Variants in GNG4 observed in about 807,000 individuals in gnomAD.
GNG4 encodes G protein subunit gamma 4.
A neutral mutation model predicts 5.8 loss-of-function variants in GNG4; 4 were observed. The ratio of observed to expected loss-of-function variants is 0.69; its 90% CI spans 0.34 to 1.57. The LOEUF (loss-of-function observed/expected upper bound fraction) is 1.57. Among genes scored for constraint, GNG4 ranks in the 40% most tolerant of loss-of-function variants. GNG4 has a pLI of 0.06. For missense variants in GNG4, 96 were observed against 95.1 expected, an observed-to-expected ratio of 1.01 and a Z score of -0.04; for synonymous variants, 29 against 32.9, an observed-to-expected ratio of 0.88 and a Z score of 0.41.
At chr1:235,615,441 C>A in intron 1 of GNG4, 1 of 155,246 alleles carries the variant, frequency 6.4e-6, no homozygotes, top group South Asian at 1.8e-4. Context: ...ACTGTCATCT[C>A]CCTCTGCTCC....
In GNG4 at chr1:235,648,065, A is replaced by G. The variant is rs1657556046; in HGVS notation, c.-123+1597T>C. Among the ~76,000 whole-genome samples the G allele has an allele frequency of 6.6e-6, 1 of 152,044 alleles. No homozygotes were observed. Among genetic ancestry groups the G allele is most frequent in the South Asian group, 2.1e-4 (1 of 4,810 alleles). On this transcript the variant is annotated intron_variant, in intron 1 of 3. Transcript: ENST00000391854. The surrounding 1 kb of genome is among the most constrained non-coding windows in gnomAD (Gnocchi z 5.0). ...TTCTCCACCATCAGTTTGCATGAGA[A>G]ACGCCAATCATAGGACTGCTGGGAA...
chr1:235,567,086 T>C (rs1012016648), intron 3 of GNG4: 4 of 151,624 alleles, frequency 2.6e-5, no homozygotes, highest in Non-Finnish European at 5.9e-5. Context: ...CATACCACCA[T>C]GTCCAGCTAA....
At chr1:235,600,487 C>T (rs1016474672) in intron 1 of GNG4, among the ~76,000 whole-genome samples, 2 of 151,142 alleles carry the variant, frequency 1.3e-5, no homozygotes, top group African/African-American at 2.4e-5. Context: ...TCACCCAGGC[C>T]GGAGTGCAGT....
intron 1 of GNG4, among the ~76,000 whole-genome samples, chr1:235,623,459 C>T (rs1387202546): frequency 6.6e-6 from 1 of 152,182 alleles, no homozygotes; most frequent in Admixed American, 6.5e-5. Flanking sequence ...TCTGCCTGTC[C>T]TCCCCAATCC....
chr1:235,648,608 T>A lies in GNG4; in HGVS notation c.-123+1054A>T, dbSNP rs369835088. Among the ~76,000 whole-genome samples the A allele has an allele frequency of 4.3e-4, 66 of 152,212 alleles. 1 individual carries two copies. The highest frequency in any genetic ancestry group is 1.5e-3 in the African/African-American group (64 of 41,470). On this transcript the variant is annotated intron_variant, in intron 1 of 3. Coordinates refer to ENST00000391854, the MANE Select transcript of GNG4 (RefSeq NM_001098722.2). This position sits in a 1 kb window ranked among gnomAD's most constrained non-coding sequence, Gnocchi z 5.0. ...ATGGCTACTGTGAGGCATTCGCCGC[T>A]GCAAATTTCCTGTCCACTGTGGGAA... is the stretch of plus-strand genomic sequence containing the variant.
chr1:235,645,267 TCCCTG>T (rs1367547337), intron 1 of GNG4, among the ~76,000 whole-genome samples: 2 of 152,108 alleles, frequency 1.3e-5, no homozygotes, highest in African/African-American at 2.4e-5. Context: ...CTCAGCAGCC[TCCCTG>T]CCCTGCCCTG....
intron 2 of GNG4, among the ~76,000 whole-genome samples, chr1:235,593,560 GA>G (rs1467846877): frequency 6.6e-6 from 1 of 152,242 alleles, no homozygotes; most frequent in Non-Finnish European, 1.5e-5. Flanking sequence ...CCAACTTCAA[GA>G]ATGAAGCTGC....
intron 3 of GNG4, among the ~76,000 whole-genome samples, chr1:235,552,737 C>T (rs1330251809): frequency 2.0e-5 from 3 of 152,028 alleles, no homozygotes; most frequent in Admixed American, 2.0e-4. Flanking sequence ...TTTATAAGCA[C>T]ACGTTTTATT....
chr1:235,621,695 G>A (rs1688715945), intron 1 of GNG4, among the ~76,000 whole-genome samples: 1 of 146,358 alleles, frequency 6.8e-6, no homozygotes, highest in African/African-American at 2.5e-5. Context: ...TTTTTTTTTG[G>A]AGACAGAGTC....
intron 1 of GNG4, among the ~76,000 whole-genome samples, chr1:235,627,795 G>C (rs987460580): frequency 3.9e-5 from 6 of 152,146 alleles, no homozygotes; most frequent in African/African-American, 1.4e-4. Context: ...GGAAAATCAG[G>C]ATCCTTAGTT....
In GNG4 at chr1:235,644,155, C is replaced by T. The variant is rs1054183106; in HGVS notation, c.-123+5507G>A. ...GAGACAGGGCTGGGTGGCGGGAACG[C>T]GGGCACCCAGAGGTCCAGATCAGCA... is the stretch of plus-strand genomic sequence containing the variant. On this transcript the variant is annotated intron_variant, in intron 1 of 3. Coordinates refer to ENST00000391854, the MANE Select transcript of GNG4 (RefSeq NM_001098722.2). The surrounding 1 kb of genome is among the most constrained non-coding windows in gnomAD (Gnocchi z 5.9). Among the ~76,000 whole-genome samples, 1 of 152,180 alleles carries T rather than the reference C, an allele frequency of 6.6e-6. No individual in the cohort carries two copies. The highest frequency in any genetic ancestry group is 2.4e-5 in the African/African-American group (1 of 41,452).
chr1:235,630,838 A>G (rs1438400932), intron 1 of GNG4, among the ~76,000 whole-genome samples: 3 of 152,170 alleles, frequency 2.0e-5, no homozygotes, highest in Non-Finnish European at 4.4e-5. Flanking sequence ...ACCCAACTCA[A>G]TGTCAACAGT....
chr1:235,623,986 G>A (rs535139504), intron 1 of GNG4, among the ~76,000 whole-genome samples: 3 of 152,316 alleles, frequency 2.0e-5, no homozygotes, highest in South Asian at 2.1e-4. Flanking sequence ...AGCCGAAGAC[G>A]GAGGGTCCTC....
At chr1:235,617,312 G>A (rs1295162863) in intron 1 of GNG4, among the ~76,000 whole-genome samples, 1 of 152,148 alleles carries the variant, frequency 6.6e-6, no homozygotes, top group East Asian at 1.9e-4. Flanking sequence ...CAGATGACAG[G>A]GTGAGAGGGG....
chr1:235,593,031 A>C (rs1688017183), intron 2 of GNG4, among the ~76,000 whole-genome samples: 1 of 150,322 alleles, frequency 6.7e-6, no homozygotes, highest in African/African-American at 2.5e-5. Context: ...TCACTGCAAC[A>C]TCCACCTCCC....
chr1:235,602,498 T>C (rs966056939), intron 1 of GNG4, among the ~76,000 whole-genome samples: 28 of 152,270 alleles, frequency 1.8e-4, no homozygotes, highest in African/African-American at 5.3e-4. Flanking sequence ...TTCCACACTC[T>C]TTAAGTCACC....
At chr1:235,563,260 T>C (rs1436752585) in intron 3 of GNG4, among the ~76,000 whole-genome samples, 1 of 152,022 alleles carries the variant, frequency 6.6e-6, no homozygotes, top group African/African-American at 2.4e-5. Flanking sequence ...CCATCTCTAC[T>C]AAAATTACAA....
At position 235,552,294 on chromosome 1, in the gene GNG4, A is replaced by G. The variant is rs1321411989; in HGVS notation, c.100-57T>C. 3 of 1,552,188 alleles carry G rather than the reference A, an allele frequency of 1.9e-6. No individual in the cohort carries two copies. In the African/African-American group the frequency reaches 4.1e-5, roughly 21 times the overall value. On this transcript the variant is annotated intron_variant, in intron 3 of 3. Transcript: ENST00000391854. The stretch of plus-strand genomic sequence containing the variant: ...AAAGGCCCCTTTGCAGAGTGAGTCC[A>G]GGGAAGAGGTGTCCACGTACAGAGG...
intron 1 of GNG4, among the ~76,000 whole-genome samples, chr1:235,600,735 T>C (rs1365868703): frequency 6.6e-6 from 1 of 152,238 alleles, no homozygotes; most frequent in Non-Finnish European, 1.5e-5. Context: ...AAGCTGCTTT[T>C]TAATAGCACT....
Sources: gnomAD v4.1 joint callset for allele counts (sites outside exome capture counted in the v4.1 genomes callset) on GRCh38, gnomAD v4.1.1 for gene constraint, Gnocchi (gnomAD v3.1) non-coding constraint, MANE v1.5 for transcripts, NCBI Gene and HGNC (gene_info 2026-07-23, HGNC 2026-07-21) for gene names.